Variants in OSBPL10 observed in about 807,000 individuals in gnomAD.
The protein encoded by OSBPL10 is oxysterol binding protein like 10, also known as oxysterol-binding protein-related protein 10.
Under a neutral mutation model 81.7 loss-of-function variants are expected in OSBPL10, and 49 were observed. The observed-to-expected ratio is 0.60, with a 90% CI of 0.48 to 0.76. The LOEUF (loss-of-function observed/expected upper bound fraction) is 0.76. Among genes scored for constraint, OSBPL10 ranks in the 30% least tolerant of loss-of-function variants. The pLI is 0.00. For synonymous variants in OSBPL10, 419 were observed against 383.6 expected (o/e 1.09, Z -1.08); for missense variants, 923 against 987.8 (o/e 0.93, Z 0.88).
chr3:31,829,868 A>G (rs1179419188), intron 4 of OSBPL10, among the ~76,000 whole-genome samples, 172 bp downstream of exon 4: 1 of 152,158 alleles, frequency 6.6e-6, no homozygotes, highest in Non-Finnish European at 1.5e-5. Context: ...AAATAGGAAC[A>G]ATTAACTTTT....
At position 31,688,883 on chromosome 3, in the gene OSBPL10, G is replaced by A. The variant is rs117416003; in HGVS notation, c.1246-4769C>T. Among the ~76,000 whole-genome samples, 26 of 152,164 alleles carry A rather than the reference G, an allele frequency of 1.7e-4. No individual in the cohort carries two copies. In the East Asian group the frequency reaches 4.3e-3, roughly 25 times the overall value. ...CTAATGAATGAGTAGACTCAAACCCGGTCTGCCCCACACTCTTCTGGATCT... is the reference window on the plus strand; with the variant it reads ...CTAATGAATGAGTAGACTCAAACCCAGTCTGCCCCACACTCTTCTGGATCT... On this transcript the variant is annotated intron_variant, in intron 7 of 11. Transcript: ENST00000396556.
In OSBPL10 at chr3:31,852,789, G is replaced by T. The variant is rs559383123; in HGVS notation, c.538-22558C>A. The stretch of plus-strand genomic sequence containing the variant: ...CGACGGGGTTTCACCATATTGGCCA[G>T]GCTGGTCTTGAACTCCTGACCTCAA... On this transcript the variant is annotated intron_variant, in intron 3 of 11. Coordinates refer to ENST00000396556, the MANE Select transcript of OSBPL10 (RefSeq NM_017784.5). 4.8e-4 allele frequency among the ~76,000 whole-genome samples: 73 copies of T among 152,032 alleles called. 1 individual carries two copies. Among genetic ancestry groups the T allele is most frequent in the African/African-American group, 1.7e-3 (70 of 41,458 alleles).
intron 3 of OSBPL10, among the ~76,000 whole-genome samples, chr3:31,870,501 A>AGG (rs1701293491): frequency 6.6e-6 from 1 of 152,230 alleles, no homozygotes; most frequent in Non-Finnish European, 1.5e-5. Flanking sequence ...AGGAGTGCGA[A>AGG]TGCATGGCGC....
At chr3:32,072,102 C>A (rs1276347582) in intron 1 of OSBPL10, among the ~76,000 whole-genome samples, 1 of 152,290 alleles carries the variant, frequency 6.6e-6, no homozygotes, top group East Asian at 1.9e-4. Flanking sequence ...AAAGGAATTA[C>A]GCGTCAATAT....
At chr3:32,037,842 G>C (rs1048742513) in intron 2 of OSBPL10, among the ~76,000 whole-genome samples, 1 of 152,138 alleles carries the variant, frequency 6.6e-6, no homozygotes, top group African/African-American at 2.4e-5. Flanking sequence ...GGCCTTGAAA[G>C]AGCTCACTGC....
In OSBPL10 at chr3:31,815,885, G is replaced by A. The variant is rs150078192; in HGVS notation, c.729+14155C>T. 4.1e-3 allele frequency among the ~76,000 whole-genome samples: 621 copies of A among 152,224 alleles called. 2 individuals carry two copies. Among genetic ancestry groups the A allele is most frequent in the African/African-American group, 0.014 (590 of 41,530 alleles). On this transcript the variant is annotated intron_variant, in intron 4 of 11. Transcript: ENST00000396556. The stretch of plus-strand genomic sequence containing the variant: ...TGTCTCGAGCCTTAGGGCACTTGTC[G>A]GAAGGCTCCTTGTATTAAATTGCCA...
chr3:32,042,536 T>A (rs1480495418), intron 2 of OSBPL10, among the ~76,000 whole-genome samples: 2 of 152,126 alleles, frequency 1.3e-5, no homozygotes, highest in African/African-American at 2.4e-5. Flanking sequence ...TTTAGTTGTA[T>A]GCTCTATCAT....
At chr3:32,067,375 A>T (rs1411607151) in intron 1 of OSBPL10, among the ~76,000 whole-genome samples, 2 of 152,128 alleles carry the variant, frequency 1.3e-5, no homozygotes, top group East Asian at 3.9e-4. Context: ...CTTGAGGAGC[A>T]ATAAATTCAG....
At chr3:31,876,229 C>T (rs183219043) in intron 3 of OSBPL10, among the ~76,000 whole-genome samples, 3 of 152,274 alleles carry the variant, frequency 2.0e-5, no homozygotes, top group African/African-American at 7.2e-5. Context: ...ATAGTGTCTG[C>T]GTGCCTGCGT....
At chr3:31,816,428 C>A (rs943501062) in intron 4 of OSBPL10, among the ~76,000 whole-genome samples, 1 of 152,284 alleles carries the variant, frequency 6.6e-6, no homozygotes, top group African/African-American at 2.4e-5. Flanking sequence ...CTTCGCTTTC[C>A]AGAAACAAGC....
chr3:31,840,660 G>T (rs1428853765), intron 3 of OSBPL10, among the ~76,000 whole-genome samples: 3 of 152,194 alleles, frequency 2.0e-5, no homozygotes, highest in Admixed American at 6.5e-5. Context: ...AACCTTATAA[G>T]TCGTGCGTCC....
intron 1 of OSBPL10, among the ~76,000 whole-genome samples, chr3:31,959,188 C>G (rs1236730198): frequency 6.6e-6 from 1 of 152,254 alleles, no homozygotes; most frequent in East Asian, 1.9e-4. Context: ...GATATCGGCT[C>G]ACAGAGAAAA....
At chr3:31,997,726 G>C (rs1233534450) in intron 2 of OSBPL10, among the ~76,000 whole-genome samples, 1 of 152,032 alleles carries the variant, frequency 6.6e-6, no homozygotes, top group Non-Finnish European at 1.5e-5. Context: ...CTGTGAGTTA[G>C]TGCCTCTTCC....
At chr3:31,867,950 T>A (rs7642278) in intron 3 of OSBPL10, among the ~76,000 whole-genome samples, 1 of 151,806 alleles carries the variant, frequency 6.6e-6, no homozygotes, top group African/African-American at 2.4e-5. Context: ...AGCCCAAACA[T>A]AGAATAGGTC....
chr3:31,747,496 A>C lies in OSBPL10; in HGVS notation c.940+414T>G, dbSNP rs929557814. The stretch of plus-strand genomic sequence containing the variant: ...GAAATGAATCTTCAAATAAAAAAAA[A>C]AAAAAAAAAAAAAACACAGAATGCT... On this transcript the variant is annotated intron_variant, in intron 5 of 11. Coordinates refer to ENST00000396556, the MANE Select transcript of OSBPL10 (RefSeq NM_017784.5). Among the ~76,000 whole-genome samples, 11 of 151,242 alleles carry C rather than the reference A, an allele frequency of 7.3e-5. 1 individual carries two copies. Among genetic ancestry groups the C allele is most frequent in the Admixed American group, 5.3e-4 (8 of 15,206 alleles).
At chr3:31,930,154 C>CAA (rs35565064) in intron 1 of OSBPL10, among the ~76,000 whole-genome samples, 60 of 144,638 alleles carry the variant, frequency 4.1e-4, no homozygotes, top group East Asian at 1.2e-3. Flanking sequence ...CCTCAGATCT[C>CAA]AAAAAAAAAA....
At chr3:31,855,831 G>T (rs1156656268) in intron 3 of OSBPL10, among the ~76,000 whole-genome samples, 1 of 151,984 alleles carries the variant, frequency 6.6e-6, no homozygotes, top group African/African-American at 2.4e-5. Context: ...CTCAGACTAA[G>T]AGCTGTCTAC....
chr3:31,767,582 G>C (rs1318425), intron 4 of OSBPL10, among the ~76,000 whole-genome samples: 11,698 of 89,122 alleles, frequency 0.13, 1,517 homozygotes, highest in African/African-American at 0.28. Context: ...AGAAGTCCCC[G>C]TGCCCCAAGT....
intron 8 of OSBPL10, among the ~76,000 whole-genome samples, chr3:31,676,394 CCA>C (rs1491092895): frequency 2.1e-5 from 3 of 141,374 alleles, no homozygotes; most frequent in Admixed American, 6.9e-5. Flanking sequence ...CTAAGAGAAG[CCA>C]AAAAAAAAAA....
Sources: allele counts gnomAD v4.1 joint callset (sites outside exome capture counted in the v4.1 genomes callset), GRCh38; gene constraint gnomAD v4.1.1; transcripts MANE v1.5; gene names NCBI Gene and HGNC (gene_info 2026-07-23, HGNC 2026-07-21).